The following LRRC4C variants were observed in gnomAD, a reference collection of about 807,000 sequenced individuals.
LRRC4C encodes the protein leucine rich repeat containing 4C.
Under a neutral mutation model 33.6 loss-of-function variants are expected in LRRC4C, and 5 were observed. The ratio of observed to expected loss-of-function variants is 0.15; its 90% confidence interval spans 0.08 to 0.31. The LOEUF is 0.31. LRRC4C is among the 10% of genes least tolerant of loss of function. The pLI, the probability that LRRC4C is intolerant of heterozygous loss-of-function variation, is 1.00. For synonymous variants in LRRC4C, 329 were observed against 302.0 expected, an observed-to-expected ratio of 1.09 and a Z score of -0.93; for missense variants, 560 against 796.7, an observed-to-expected ratio of 0.70 and a Z score of 3.58.
At chr11:40,922,330 C>T (rs1957217512) in intron 2 of LRRC4C, among the ~76,000 whole-genome samples, 1 of 152,042 alleles carries the variant, frequency 6.6e-6, no homozygotes, top group African/African-American at 2.4e-5. Context: ...TTTCTTCGCC[C>T]CTGAAGTAAC....
At chr11:40,234,790 A>C (rs1267903116) in intron 5 of LRRC4C, among the ~76,000 whole-genome samples, 2 of 152,120 alleles carry the variant, frequency 1.3e-5, no homozygotes, top group African/African-American at 4.8e-5. Flanking sequence ...AAAAAACCTT[A>C]CTTGTAGGGG....
At chr11:40,670,474 C>T (rs146452334) in intron 2 of LRRC4C, among the ~76,000 whole-genome samples, 172 of 152,260 alleles carry the variant, frequency 1.1e-3, no homozygotes, top group African/African-American at 4.0e-3. Context: ...TTTTTTAATG[C>T]GGCTACATTG....
chr11:41,448,380 A>G (rs1458872178), intron 1 of LRRC4C, among the ~76,000 whole-genome samples: 2 of 138,776 alleles, frequency 1.4e-5, no homozygotes, highest in Non-Finnish European at 3.0e-5. Context: ...ATCTCTGCTC[A>G]CTGTAACCTC....
At chr11:40,267,694 C>T (rs1265776188) in intron 4 of LRRC4C, among the ~76,000 whole-genome samples, 1 of 152,082 alleles carries the variant, frequency 6.6e-6, no homozygotes. Flanking sequence ...ATGGGGCATT[C>T]TGGGAGCCTC....
chr11:40,591,469 G>A (rs1006484712), intron 3 of LRRC4C, among the ~76,000 whole-genome samples: 8 of 152,130 alleles, frequency 5.3e-5, no homozygotes, highest in Admixed American at 1.3e-4. Context: ...GCTGTAGACC[G>A]GAGCTGTTCC....
intron 1 of LRRC4C, among the ~76,000 whole-genome samples, chr11:41,335,913 C>T (rs375410902): frequency 2.6e-5 from 4 of 152,134 alleles, no homozygotes; most frequent in African/African-American, 7.2e-5. Context: ...TTTGTATTCC[C>T]ACACAGTGTC....
At chr11:41,216,704 G>T (rs777976630) in intron 1 of LRRC4C, among the ~76,000 whole-genome samples, 9 of 152,120 alleles carry the variant, frequency 5.9e-5, no homozygotes, top group South Asian at 4.1e-4. Flanking sequence ...AATAAATCCA[G>T]ATTCTTCAAG....
intron 1 of LRRC4C, among the ~76,000 whole-genome samples, chr11:41,021,884 C>CTT (rs967239836): frequency 5.9e-5 from 9 of 151,902 alleles, no homozygotes; most frequent in Admixed American, 1.3e-4. Context: ...AACATAGAAT[C>CTT]TTTTAAGCAG....
At chr11:40,177,390 C>T (rs1016163621) in intron 5 of LRRC4C, among the ~76,000 whole-genome samples, 4 of 152,202 alleles carry the variant, frequency 2.6e-5, no homozygotes, top group Non-Finnish European at 5.9e-5. Flanking sequence ...TCTAGTCCTT[C>T]TCATGGCCTG....
chr11:40,207,967 T>C (rs1542301), intron 5 of LRRC4C, among the ~76,000 whole-genome samples: 86,678 of 151,890 alleles, frequency 0.57, 24,980 homozygotes, highest in Admixed American at 0.63. Flanking sequence ...CCCACACCAC[T>C]GCTTCCTGCC....
chr11:41,237,378 C>G (rs1382967382), intron 1 of LRRC4C, among the ~76,000 whole-genome samples: 1 of 152,124 alleles, frequency 6.6e-6, no homozygotes, highest in African/African-American at 2.4e-5. Context: ...GGAATGTTAA[C>G]TGTGAAGCCA....
intron 1 of LRRC4C, among the ~76,000 whole-genome samples, chr11:41,409,750 T>C (rs965500241): frequency 3.0e-4 from 46 of 152,176 alleles, no homozygotes; most frequent in African/African-American, 1.1e-3. Flanking sequence ...TCTAATTTTC[T>C]TATGGTCTGT....
At chr11:40,382,123 A>ATTTTTTTTTTTTTTTTTTTT (rs77934711) in intron 3 of LRRC4C, among the ~76,000 whole-genome samples, 2 of 99,986 alleles carry the variant, frequency 2.0e-5, no homozygotes, top group African/African-American at 3.8e-5. Flanking sequence ...TGCCCGGCTA[A>ATTTTTTTTTTTTTTTTTTTT]TTTTTTTTTT....
intron 2 of LRRC4C, among the ~76,000 whole-genome samples, chr11:40,743,344 A>G (rs1453892390): frequency 7.2e-5 from 11 of 152,046 alleles, no homozygotes; most frequent in Non-Finnish European, 1.6e-4. Context: ...GTAACAAACT[A>G]TCATAAGCTG....
At chr11:41,359,407 G>T (rs552190250) in intron 1 of LRRC4C, among the ~76,000 whole-genome samples, 1 of 151,924 alleles carries the variant, frequency 6.6e-6, no homozygotes, top group Non-Finnish European at 1.5e-5. Context: ...ACTCGAGGGG[G>T]ATGTGGATAT....
chr11:40,484,963 G>A lies in LRRC4C; in HGVS notation c.-270+163179C>T, dbSNP rs1019879636. Among the ~76,000 whole-genome samples, 4 of 152,034 alleles carry A rather than the reference G, an allele frequency of 2.6e-5. No individual in the cohort carries two copies. In the East Asian group the frequency reaches 7.7e-4, roughly 29 times the overall value. On this transcript the variant is annotated intron_variant, in intron 3 of 6. Transcript: ENST00000528697. ...TTTGTGTCAGAGAAATGACATGCAA[G>A]TTTGCTAACACTATTTGTTGGAAGA...
intron 1 of LRRC4C, among the ~76,000 whole-genome samples, chr11:41,262,446 G>T (rs1284317324): frequency 6.6e-6 from 1 of 150,676 alleles, no homozygotes. Flanking sequence ...TGTCAAATAC[G>T]TTCCAAACAG....
chr11:40,976,617 A>T (rs1352775244), intron 1 of LRRC4C, among the ~76,000 whole-genome samples: 2 of 152,252 alleles, frequency 1.3e-5, no homozygotes, highest in African/African-American at 4.8e-5. Flanking sequence ...TATGGAGTCC[A>T]ACATCTAACA....
At chr11:40,589,694 A>G (rs1958941793) in intron 3 of LRRC4C, among the ~76,000 whole-genome samples, 1 of 151,466 alleles carries the variant, frequency 6.6e-6, no homozygotes, top group South Asian at 2.1e-4. Flanking sequence ...ATCTCTCAGC[A>G]TTTGCTTGTC....
Sources: gnomAD v4.1 joint callset for allele counts (sites outside exome capture counted in the v4.1 genomes callset) on GRCh38, gnomAD v4.1.1 for gene constraint, MANE v1.5 for transcripts, NCBI Gene and HGNC (gene_info 2026-07-23, HGNC 2026-07-21) for gene names.